MAP4K4: variants seen among roughly 807,000 people sequenced by gnomAD.
MAP4K4 encodes HPK/GCK-like kinase HGK.
MAP4K4 carries 38 observed loss-of-function variants against 189.6 expected under a neutral mutation model. The observed-to-expected ratio is 0.20, with a 90% CI of 0.15 to 0.26. MAP4K4 has a LOEUF of 0.26. MAP4K4 is among the 10% of genes least tolerant of loss of function. The pLI is 1.00. For synonymous variants in MAP4K4, 610 were observed against 624.3 expected, an observed-to-expected ratio of 0.98 and a Z score of 0.34; for missense variants, 1,054 against 1,726.9, an observed-to-expected ratio of 0.61 and a Z score of 6.91.
At chr2:101,806,374 CTTTTTTTTTT>C (rs35242042) in intron 3 of MAP4K4, among the ~76,000 whole-genome samples, 3 of 129,540 alleles carry the variant, frequency 2.3e-5, no homozygotes, top group Non-Finnish European at 4.9e-5. Context: ...AGCTGTTTCA[CTTTTTTTTTT>C]TTTTTTTTTG....
intron 6 of MAP4K4, among the ~76,000 whole-genome samples, chr2:101,830,122 T>A (rs2096550829): frequency 6.6e-6 from 1 of 152,192 alleles, no homozygotes; most frequent in Non-Finnish European, 1.5e-5. Context: ...TTACGGGCCT[T>A]TTCCAACCTC....
intron 15 of MAP4K4, chr2:101,860,116 C>A: frequency 3.6e-6 from 2 of 550,694 alleles, no homozygotes; most frequent in Non-Finnish European, 6.5e-6. Context: ...TGAAACTGAA[C>A]TAAACTAAAA....
chr2:101,840,441 A>G (rs572758389), intron 10 of MAP4K4, among the ~76,000 whole-genome samples: 3 of 152,354 alleles, frequency 2.0e-5, no homozygotes, highest in South Asian at 2.1e-4. Flanking sequence ...CATGGGCCAC[A>G]TGCATAGTCA....
intron 2 of MAP4K4, among the ~76,000 whole-genome samples, chr2:101,779,702 CTTTGGAA>C (rs1004887043): frequency 6.6e-6 from 1 of 151,748 alleles, no homozygotes; most frequent in Non-Finnish European, 1.5e-5. Context: ...AGTGCTCTGG[CTTTGGAA>C]ACCTGAGTTG....
intron 17 of MAP4K4, among the ~76,000 whole-genome samples, 163 bp from the exon 18 acceptor site, chr2:101,864,767 G>C (rs1182087851): frequency 6.6e-6 from 1 of 152,204 alleles, no homozygotes; most frequent in Non-Finnish European, 1.5e-5. Context: ...CTCTCCGATT[G>C]TATCAGTGTA....
At chr2:101,753,728 T>C (rs556883697) in intron 2 of MAP4K4, among the ~76,000 whole-genome samples, 11 of 152,270 alleles carry the variant, frequency 7.2e-5, no homozygotes, top group East Asian at 3.9e-4. Flanking sequence ...GACAGTCTGT[T>C]TGTCTCAAGG....
intron 4 of MAP4K4, among the ~76,000 whole-genome samples, chr2:101,824,520 A>G (rs1559084653): frequency 6.6e-6 from 1 of 152,234 alleles, no homozygotes; most frequent in Non-Finnish European, 1.5e-5. Context: ...AATTTCTGGA[A>G]TTGACACATT....
rs550844993 is a variant in MAP4K4 at position 101,885,776 on chromosome 2, C to G, written c.3621+489C>G. Among the ~76,000 whole-genome samples the G allele has an allele frequency of 1.6e-4, 24 of 152,176 alleles. No homozygotes were observed. The South Asian group carries it at 4.8e-3, about 30-fold the overall frequency. On this transcript the variant is annotated intron_variant, in intron 29 of 32. Coordinates refer to ENST00000324219, the Ensembl canonical transcript of MAP4K4. ...ATTTCATATGATTCCATTTTTGTTTCAATAAAAAACTCAGCTATAACATCT... is the reference window on the plus strand; with the variant it reads ...ATTTCATATGATTCCATTTTTGTTTGAATAAAAAACTCAGCTATAACATCT...
At chr2:101,859,687 G>T in exon 15 of MAP4K4, 1 of 1,611,936 alleles carries the variant, frequency 6.2e-7, no homozygotes, top group Non-Finnish European at 8.5e-7. Flanking sequence ...AGGCAGAGAG[G>T]CTCCAGAGGC....
intron 2 of MAP4K4, among the ~76,000 whole-genome samples, chr2:101,733,452 C>G (rs544583002): frequency 6.6e-6 from 1 of 152,320 alleles, no homozygotes; most frequent in South Asian, 2.1e-4. Context: ...AGAATTAGAA[C>G]TTGGGTGTCT....
At chr2:101,754,304 G>A (rs2070965688) in intron 2 of MAP4K4, among the ~76,000 whole-genome samples, 1 of 148,568 alleles carries the variant, frequency 6.7e-6, no homozygotes, top group African/African-American at 2.5e-5. Flanking sequence ...TCTATTCACG[G>A]TATATTAGAG....
At position 101,754,341 on chromosome 2, in the gene MAP4K4, G is replaced by GT. The variant is rs59198391; in HGVS notation, c.124-36353dup. Among the ~76,000 whole-genome samples, 164 of 85,830 alleles carry GT rather than the reference G, an allele frequency of 1.9e-3. 2 individuals carry two copies. Among genetic ancestry groups the GT allele is most frequent in the Non-Finnish European group, 2.5e-3 (113 of 45,718 alleles). 56.3% of individuals were successfully genotyped at this position (85,830 alleles called of 152,430 possible). A position where few individuals can be genotyped will look rare whatever the true frequency, so the allele number is the denominator to read the frequency against. Reference sequence around the variant, plus strand: ...CTTTGAGTTGGGAAGCTTTTTTGCTGTTTTTTTTTTTTTTTTTTTTTTTTT... The same window carrying GT: ...CTTTGAGTTGGGAAGCTTTTTTGCTGTTTTTTTTTTTTTTTTTTTTTTTTTT... On this transcript the variant is annotated intron_variant, in intron 2 of 32. Coordinates refer to ENST00000324219, the Ensembl canonical transcript of MAP4K4.
At position 101,821,748 on chromosome 2, in the gene MAP4K4, T is replaced by C. The variant is rs569673955; in HGVS notation, c.181-2180T>C. Among the ~76,000 whole-genome samples, 6 of 152,336 alleles carry C rather than the reference T, an allele frequency of 3.9e-5. No individual in the cohort carries two copies. The South Asian group carries it at 1.2e-3, about 32-fold the overall frequency. ...TAGGATACACTAAATTTGTAAAAAATATGCTTTCTTCAATAATTAACTAGG... is the reference window on the plus strand; with the variant it reads ...TAGGATACACTAAATTTGTAAAAAACATGCTTTCTTCAATAATTAACTAGG... On this transcript the variant is annotated intron_variant, in intron 3 of 32. Coordinates refer to ENST00000324219, the Ensembl canonical transcript of MAP4K4.
chr2:101,865,571 ACTTCATTC>A (rs1260345372), intron 18 of MAP4K4, among the ~76,000 whole-genome samples: 3 of 152,216 alleles, frequency 2.0e-5, no homozygotes, highest in African/African-American at 7.2e-5. Flanking sequence ...TACAGTGGAA[ACTTCATTC>A]CTTAGTGCAC....
chr2:101,847,424 G>T (rs1017715060), intron 12 of MAP4K4, among the ~76,000 whole-genome samples: 36 of 152,298 alleles, frequency 2.4e-4, no homozygotes, highest in Admixed American at 8.5e-4. Context: ...GATGACAGCT[G>T]ACAGCTCCAT....
At chr2:101,698,727 G>T (rs749618797) in intron 2 of MAP4K4, among the ~76,000 whole-genome samples, 189 bp downstream of exon 2, 12 of 152,134 alleles carry the variant, frequency 7.9e-5, no homozygotes, top group East Asian at 1.9e-4. Context: ...GGCCTTAAAA[G>T]ACCTCATTTC....
intron 3 of MAP4K4, among the ~76,000 whole-genome samples, chr2:101,807,067 G>A (rs2095020369): frequency 7.9e-6 from 1 of 126,822 alleles, no homozygotes; most frequent in African/African-American, 3.3e-5. Flanking sequence ...TTTTTTCTGA[G>A]ACCAGTGTCT....
At chr2:101,745,328 A>AC (rs1210718503) in intron 2 of MAP4K4, among the ~76,000 whole-genome samples, 3,403 of 54,864 alleles carry the variant, frequency 0.062, 283 homozygotes, top group African/African-American at 0.1. Context: ...TGAAAATATC[A>AC]CCCCCCCCCC....
intron 3 of MAP4K4, among the ~76,000 whole-genome samples, chr2:101,819,781 C>G (rs2095931050): frequency 6.6e-6 from 1 of 152,096 alleles, no homozygotes; most frequent in Non-Finnish European, 1.5e-5. Context: ...TTTAGTTGTT[C>G]TTCTAAATCA....
Sources: gnomAD v4.1 joint callset for allele counts (sites outside exome capture counted in the v4.1 genomes callset) on GRCh38, gnomAD v4.1.1 for gene constraint, MANE v1.5 for transcripts, NCBI Gene and HGNC (gene_info 2026-07-23, HGNC 2026-07-21) for gene names.